ECD: variants seen among roughly 807,000 people sequenced by gnomAD.
ECD encodes protein ecdysoneless homolog.
In ECD, 59 loss-of-function variants were observed where a neutral mutation model predicts 77.2. The ratio of observed to expected loss-of-function variants is 0.76; its 90% confidence interval spans 0.62 to 0.95. The LOEUF is 0.95. ECD is among the 40% of genes least tolerant of loss of function. The pLI is 0.00. For missense variants in ECD, 704 were observed against 763.4 expected (o/e 0.92, Z 0.92); for synonymous variants, 233 against 267.4 (o/e 0.87, Z 1.26).
intron 9 of ECD, among the ~76,000 whole-genome samples, chr10:73,145,136 G>T (rs997397487): frequency 6.6e-6 from 1 of 152,072 alleles, no homozygotes; most frequent in Non-Finnish European, 1.5e-5. Flanking sequence ...GGCCAAGGTG[G>T]GTGGATCACC....
At chr10:73,156,751 G>A (rs901072971) in intron 3 of ECD, 96 bp from the exon 4 acceptor site, 5 of 1,193,100 alleles carry the variant, frequency 4.2e-6, no homozygotes, top group African/African-American at 1.5e-5. Flanking sequence ...CTTCATCTTA[G>A]TAAATATTTG....
chr10:73,156,880 A>G (rs1287852414), intron 3 of ECD, among the ~76,000 whole-genome samples: 1 of 152,200 alleles, frequency 6.6e-6, no homozygotes, highest in African/African-American at 2.4e-5. Context: ...AGGAGAGAAG[A>G]TAAGCAATTT....
intron 11 of ECD, among the ~76,000 whole-genome samples, chr10:73,138,512 T>C (rs140649475): frequency 3.9e-4 from 60 of 152,274 alleles, no homozygotes; most frequent in African/African-American, 1.4e-3. Context: ...TTTCATCAGG[T>C]TCAAGAGCAT....
Position 73,152,365 on chromosome 10 carries a change from G to A in ECD, c.840C>T (p.Asp280=), listed in dbSNP as rs374929454. 6.2e-7 allele frequency: 1 copy of A among 1,613,798 alleles called. No individual in the cohort carries two copies. The highest frequency in any genetic ancestry group is 2.2e-5 in the East Asian group (1 of 44,868). ...AQLVQQRFVP[D]RRSGYRLPPP... Reference sequence around the variant, plus strand: ...GAGGCAGCCTGTATCCACTCCGCCGGTCTGGCACAAACCTTTGTTGCACCA... The same window carrying A: ...GAGGCAGCCTGTATCCACTCCGCCGATCTGGCACAAACCTTTGTTGCACCA... The change falls in exon 7 of 14, where the codon GAC becomes GAT. Residue 280 remains aspartate, a synonymous_variant. Transcript: ENST00000372979.
rs1325811464 is a variant in ECD at position 73,138,009 on chromosome 10, T to G, written c.1483A>C (p.Ile495Leu). 6 of 1,594,876 alleles carry G rather than the reference T, an allele frequency of 3.8e-6. No homozygotes were observed. The highest frequency in any genetic ancestry group is 4.3e-6 in the Non-Finnish European group (5 of 1,173,580). ...ADSFLNYFDKILGPRPNESDS... is the reference protein window; with the variant it reads ...ADSFLNYFDKLLGPRPNESDS... ...ACATCACACCACTACTTACCTAAAA[T>G]CTTATCAAAATAATTAAGAAAAGAA... is the stretch of plus-strand genomic sequence containing the variant. The change falls in exon 12 of 14, where the codon ATT becomes CTT. Residue 495 changes from isoleucine (I) to leucine (L), a missense_variant. Ile to Leu is a conservative substitution (Grantham distance 5). This residue lies in a region of ECD where 3 missense variants were observed against 16.1 expected (regional missense o/e 0.19). Coordinates refer to ENST00000372979, the MANE Select transcript of ECD (RefSeq NM_007265.3).
chr10:73,139,605 C>T (rs1843025202), intron 10 of ECD, 26 bp downstream of exon 10: 2 of 1,584,602 alleles, frequency 1.3e-6, no homozygotes, highest in Non-Finnish European at 8.6e-7. Flanking sequence ...TTTAACCCTT[C>T]CACTGTATCC....
Position 73,139,353 on chromosome 10 carries a change from A to T in ECD, c.1377T>A (p.Ala459=), listed in dbSNP as rs3736517. ...DLTEVSESMK[A]FISKVSTHKG... ...TGTGGGTTGAGACTTTGGATATGAA[A>T]GCTTTCATGCTCTCTGAGACTTCAG... The change falls in exon 11 of 14, where the codon GCT becomes GCA. Residue 459 remains alanine, a synonymous_variant. Transcript: ENST00000372979. 6.2e-6 allele frequency: 10 copies of T among 1,613,986 alleles called. No homozygotes were observed. Among genetic ancestry groups the T allele is most frequent in the Non-Finnish European group, 8.5e-6 (10 of 1,180,030 alleles).
chr10:73,159,604 G>T (rs1843347362), intron 3 of ECD, among the ~76,000 whole-genome samples: 1 of 148,152 alleles, frequency 6.7e-6, no homozygotes, highest in Non-Finnish European at 1.5e-5. Context: ...GGTTTTATTT[G>T]AAATCTTTTG....
intron 1 of ECD, among the ~76,000 whole-genome samples, chr10:73,165,769 C>T (rs1843449593): frequency 6.6e-6 from 1 of 151,724 alleles, no homozygotes; most frequent in African/African-American, 2.4e-5. Flanking sequence ...GTGTTACAAA[C>T]ACTCTAATTA....
At chr10:73,165,087 GT>G (rs1489628846) in intron 1 of ECD, among the ~76,000 whole-genome samples, 5 of 152,080 alleles carry the variant, frequency 3.3e-5, no homozygotes, top group African/African-American at 1.2e-4. Flanking sequence ...CTCTTTCTGG[GT>G]TTTTTTCTTT....
chr10:73,160,747 A>G (rs1244970789), intron 2 of ECD, among the ~76,000 whole-genome samples, 196 bp from the exon 3 acceptor site: 2 of 152,216 alleles, frequency 1.3e-5, no homozygotes, highest in African/African-American at 4.8e-5. Context: ...ATCTCAAAAC[A>G]AGATAATGAA....
At chr10:73,143,401 C>T (rs1338458503) in intron 9 of ECD, among the ~76,000 whole-genome samples, 1 of 152,094 alleles carries the variant, frequency 6.6e-6, no homozygotes, top group African/African-American at 2.4e-5. Context: ...CTCCTGACCT[C>T]GTGATCCACC....
At chr10:73,154,534 T>G in intron 5 of ECD, 86 bp from the exon 6 acceptor site, 5 of 1,294,664 alleles carry the variant, frequency 3.9e-6, no homozygotes, top group Non-Finnish European at 5.2e-6. Context: ...TTGACATCTC[T>G]TTGTTCATCA....
At chr10:73,161,149 C>A (rs1843371401) in intron 2 of ECD, among the ~76,000 whole-genome samples, 1 of 147,278 alleles carries the variant, frequency 6.8e-6, no homozygotes, top group African/African-American at 2.5e-5. Context: ...GATCTCAAAT[C>A]AACAACCTAT....
rs1447757005 is a variant in ECD at position 73,167,985 on chromosome 10, G to A, written c.-133C>T. 6.8e-6 allele frequency: 2 copies of A among 293,018 alleles called. No individual in the cohort carries two copies. Among genetic ancestry groups the A allele is most frequent in the Non-Finnish European group, 1.3e-5 (2 of 156,544 alleles). 18.2% of individuals were successfully genotyped at this position (293,018 alleles called of 1,614,324 possible). A position where few individuals can be genotyped will look rare whatever the true frequency, so the allele number is the denominator to read the frequency against. On this transcript the variant is annotated 5_prime_UTR_variant, in exon 1 of 14. Transcript: ENST00000372979. Reference sequence around the variant, plus strand: ...CGAAGCCTGGATCAGGCTCTGTCCCGACGCCTGACCGGAACCTGAAGCCAG... The same window carrying A: ...CGAAGCCTGGATCAGGCTCTGTCCCAACGCCTGACCGGAACCTGAAGCCAG...
intron 11 of ECD, among the ~76,000 whole-genome samples, chr10:73,139,051 G>A (rs1164388565): frequency 6.6e-6 from 1 of 152,174 alleles, no homozygotes; most frequent in Non-Finnish European, 1.5e-5. Context: ...AAAGAGTAAA[G>A]TATATGGTTT....
intron 5 of ECD, among the ~76,000 whole-genome samples, chr10:73,154,940 CA>C (rs1175193433): frequency 1.3e-5 from 2 of 151,614 alleles, no homozygotes; most frequent in Admixed American, 1.3e-4. Flanking sequence ...ATCTCAAAAA[CA>C]AAACAAAACA....
intron 12 of ECD, among the ~76,000 whole-genome samples, chr10:73,137,752 G>C (rs922747717): frequency 6.6e-6 from 1 of 150,582 alleles, no homozygotes; most frequent in Non-Finnish European, 1.5e-5. Context: ...CTCCAGCCTG[G>C]GCAACAGAGC....
Position 73,163,766 on chromosome 10 carries a change from G to A in ECD, c.172C>T (p.Gln58Ter), listed in dbSNP as rs1843411243. Residue 58 changes from glutamine to a stop codon, truncating the protein, a stop_gained, in exon 2 of 14, where the codon CAG (glutamine) becomes TAG (stop). Transcript: ENST00000372979. LOFTEE classifies it high-confidence loss of function. Reference protein sequence around the residue: ...PMLVPYIWQNQPFNLKYKPGK... With the variant: ...PMLVPYIWQN Reference sequence around the variant, plus strand: ...GGTTTATATTTAAGATTGAAAGGCTGATTCTGCCAGATGTAGGGGACCAGC... The same window carrying A: ...GGTTTATATTTAAGATTGAAAGGCTAATTCTGCCAGATGTAGGGGACCAGC... 6.2e-7 allele frequency: 1 copy of A among 1,614,128 alleles called. No homozygotes were observed. The highest frequency in any genetic ancestry group is 1.1e-5 in the South Asian group (1 of 91,084).
Sources: allele counts gnomAD v4.1 joint callset (sites outside exome capture counted in the v4.1 genomes callset), GRCh38; gene constraint gnomAD v4.1.1; regional missense constraint gnomAD v4.1.1; transcripts MANE v1.5; gene names NCBI Gene and HGNC (gene_info 2026-07-23, HGNC 2026-07-21).